The following SLC25A13 variants were observed in gnomAD, a reference collection of about 807,000 sequenced individuals.
The protein encoded by SLC25A13 is electrogenic aspartate/glutamate antiporter SLC25A13, mitochondrial.
Under a neutral mutation model 85.5 loss-of-function variants are expected in SLC25A13, and 70 were observed. The ratio of observed to expected loss-of-function variants is 0.82; its 90% CI spans 0.68 to 1.00. The LOEUF is 1.00. Ranked by LOEUF, SLC25A13 falls within the 50% of genes least tolerant of loss-of-function variation. The pLI, the probability that SLC25A13 is intolerant of heterozygous loss-of-function variation, is 0.00. For synonymous variants in SLC25A13, 259 were observed against 288.7 expected, an observed-to-expected ratio of 0.90 and a Z score of 1.04; for missense variants, 765 against 819.8, an observed-to-expected ratio of 0.93 and a Z score of 0.82.
intron 13 of SLC25A13, 72 bp downstream of exon 13, chr7:96,169,973 C>G: frequency 5.5e-6 from 8 of 1,447,256 alleles, no homozygotes; most frequent in Non-Finnish European, 7.8e-6. Context: ...TTAGTCCACA[C>G]CTGTTGACCA....
chr7:96,142,737 A>C (rs1792617339), intron 14 of SLC25A13, among the ~76,000 whole-genome samples: 1 of 152,174 alleles, frequency 6.6e-6, no homozygotes, highest in Admixed American at 6.5e-5. Flanking sequence ...TTTCTAAATT[A>C]CTTGATTTTT....
rs765937723 is a variant in SLC25A13, at chr7:96,208,827, G to A, written c.468+11C>T. On this transcript the variant is annotated intron_variant, in intron 5 of 17. Coordinates refer to ENST00000265631, the MANE Select transcript of SLC25A13 (RefSeq NM_014251.3). ...GCCATACCCTTTTAACTTTTTAAGA[G>A]CTAGACCCACCAATAAAAACTGAGT... The A allele has an allele frequency of 9.9e-6, 16 of 1,613,768 alleles. No homozygotes were observed. In the South Asian group the frequency reaches 1.3e-4, roughly 13 times the overall value.
intron 3 of SLC25A13, among the ~76,000 whole-genome samples, chr7:96,276,506 C>T (rs1453900595): frequency 1.3e-5 from 2 of 152,094 alleles, no homozygotes; most frequent in Admixed American, 1.3e-4. Context: ...GGCTTTGATA[C>T]CAGCTACTCA....
intron 2 of SLC25A13, 127 bp downstream of exon 2, chr7:96,296,771 G>A (rs1456321787): frequency 3.5e-5 from 33 of 937,336 alleles, no homozygotes; most frequent in East Asian, 1.1e-4. Flanking sequence ...ATGAGCCACC[G>A]TGCCGGGCTG....
At chr7:96,200,547 A>C in intron 5 of SLC25A13, among the ~76,000 whole-genome samples, 2 of 145,282 alleles carry the variant, frequency 1.4e-5, no homozygotes, top group African/African-American at 5.1e-5. Context: ...ACCTCCCCCC[A>C]CCCCCCATTT....
At chr7:96,232,814 A>C (rs1322586930) in intron 4 of SLC25A13, among the ~76,000 whole-genome samples, 1 of 152,198 alleles carries the variant, frequency 6.6e-6, no homozygotes, top group Non-Finnish European at 1.5e-5. Flanking sequence ...TTTAGAGATG[A>C]GGAAAATAAA....
intron 13 of SLC25A13, among the ~76,000 whole-genome samples, chr7:96,157,691 C>A (rs1315975639): frequency 6.6e-6 from 1 of 151,962 alleles, no homozygotes; most frequent in African/African-American, 2.4e-5. Flanking sequence ...GTAGTCTTGG[C>A]CACTTGGGAG....
intron 5 of SLC25A13, among the ~76,000 whole-genome samples, chr7:96,194,318 T>C (rs1794972539): frequency 6.7e-6 from 1 of 149,566 alleles, no homozygotes; most frequent in Non-Finnish European, 1.5e-5. Context: ...GGTGCATGCC[T>C]GTAGTCCCAG....
chr7:96,321,938 T>A lies in SLC25A13; in HGVS notation c.15+4A>T, dbSNP rs1449972374. On this transcript the variant is annotated splice_donor_region_variant and intron_variant, in intron 1 of 17. Coordinates refer to ENST00000265631, the MANE Select transcript of SLC25A13 (RefSeq NM_014251.3). ...GCTCCCCCCGGCCTCGGGCCCGCGG[T>A]TACCTTGGCGGCCGCCATGATTCGC... 1.3e-6 allele frequency: 2 copies of A among 1,537,046 alleles called. No homozygotes were observed. Among genetic ancestry groups the A allele is most frequent in the South Asian group, 2.4e-5 (2 of 82,392 alleles).
At chr7:96,221,598 A>C (rs2116763554) in intron 4 of SLC25A13, among the ~76,000 whole-genome samples, 1 of 152,344 alleles carries the variant, frequency 6.6e-6, no homozygotes, top group East Asian at 1.9e-4. Flanking sequence ...CTTTCCAGCA[A>C]GCTTAAAAAT....
intron 4 of SLC25A13, among the ~76,000 whole-genome samples, chr7:96,227,864 A>C (rs922027524): frequency 6.6e-6 from 1 of 150,576 alleles, no homozygotes; most frequent in South Asian, 2.1e-4. Flanking sequence ...AAAACAAAGA[A>C]TTTTTTTTTT....
In SLC25A13 at chr7:96,321,967, G is replaced by C. The variant is rs1584623450; in HGVS notation, c.-11C>G. 3 of 1,540,032 alleles carry C rather than the reference G, an allele frequency of 1.9e-6. No individual in the cohort carries two copies. Among genetic ancestry groups the C allele is most frequent in the African/African-American group, 1.4e-5 (1 of 70,580 alleles). On this transcript the variant is annotated 5_prime_UTR_variant, in exon 1 of 18. Transcript: ENST00000265631. The stretch of plus-strand genomic sequence containing the variant: ...CTTGGCGGCCGCCATGATTCGCCCC[G>C]GTTGCGGGCGACTGCGGGACCCACT...
chr7:96,286,070 G>A (rs1798873077), intron 2 of SLC25A13, among the ~76,000 whole-genome samples: 1 of 151,988 alleles, frequency 6.6e-6, no homozygotes, highest in Admixed American at 6.6e-5. Flanking sequence ...GGATCATGAG[G>A]TCAGGAGATC....
At chr7:96,237,674 C>T (rs2116824347) in intron 3 of SLC25A13, among the ~76,000 whole-genome samples, 1 of 152,024 alleles carries the variant, frequency 6.6e-6, no homozygotes, top group South Asian at 2.1e-4. Context: ...TGAGTGGGGG[C>T]CCTAGGAATG....
chr7:96,292,706 G>C (rs1169517699), intron 2 of SLC25A13, among the ~76,000 whole-genome samples: 1 of 152,080 alleles, frequency 6.6e-6, no homozygotes, highest in Non-Finnish European at 1.5e-5. Flanking sequence ...AAAATACCTA[G>C]GAATCTAACT....
chr7:96,283,491 G>T, intron 2 of SLC25A13: 1 of 420,074 alleles, frequency 2.4e-6, no homozygotes, highest in African/African-American at 2.0e-5. Flanking sequence ...TTAAGGGAAT[G>T]AGTACTGTTC....
intron 1 of SLC25A13, among the ~76,000 whole-genome samples, chr7:96,306,070 A>T (rs1021699459): frequency 6.6e-6 from 1 of 152,176 alleles, no homozygotes; most frequent in Non-Finnish European, 1.5e-5. Context: ...TGAGGAGTAG[A>T]CACCGTTATG....
At chr7:96,288,145 T>A (rs1798961747) in intron 2 of SLC25A13, among the ~76,000 whole-genome samples, 1 of 152,178 alleles carries the variant, frequency 6.6e-6, no homozygotes, top group Non-Finnish European at 1.5e-5. Context: ...GTATACTGTA[T>A]TGTGGCCAGA....
chr7:96,128,752 T>TATAATA (rs367558778), intron 15 of SLC25A13, among the ~76,000 whole-genome samples: 250 of 139,968 alleles, frequency 1.8e-3, no homozygotes, highest in African/African-American at 2.2e-3. Context: ...GAACTTAAAG[T>TATAATA]ATAATAATAA....
Sources: gnomAD v4.1 joint callset for allele counts (sites outside exome capture counted in the v4.1 genomes callset) on GRCh38, gnomAD v4.1.1 for gene constraint, MANE v1.5 for transcripts, NCBI Gene and HGNC (gene_info 2026-07-23, HGNC 2026-07-21) for gene names.